The following MDGA1 variants were observed in gnomAD, a reference collection of about 807,000 sequenced individuals.
MDGA1 encodes the protein MAM domain containing glycosylphosphatidylinositol anchor 1.
A neutral mutation model predicts 101.5 loss-of-function variants in MDGA1; 54 were observed. The ratio of observed to expected loss-of-function variants is 0.53; its 90% confidence interval spans 0.43 to 0.67. The LOEUF is 0.67. Among genes scored for constraint, MDGA1 ranks in the 30% least tolerant of loss-of-function variants. The pLI is 0.00. For synonymous variants in MDGA1, 533 were observed against 558.3 expected (o/e 0.95, Z 0.64); for missense variants, 1,083 against 1,323.8 (o/e 0.82, Z 2.82).
Position 37,658,263 on chromosome 6 carries a change from T to C in MDGA1, c.364A>G (p.Ile122Val), listed in dbSNP as rs752089669. 1 of 1,603,976 alleles carries C rather than the reference T, an allele frequency of 6.2e-7. No homozygotes were observed. Among genetic ancestry groups the C allele is most frequent in the Admixed American group, 1.7e-5 (1 of 59,234 alleles). Residue 122 changes from isoleucine (I) to valine (V), a missense_variant, in exon 3 of 17, where the codon ATC (isoleucine) becomes GTC (valine). Transcript: ENST00000434837. ...NGVGVPAIKS[I>V]RVDVQYLDEP... ...AACTCACACTGCACGTCCACGCGGA[T>C]GGACTTGATGGCCGGCACCCCCACG...
rs909016509 is a variant in MDGA1 at position 37,643,889 on chromosome 6, C to T, written c.2456G>A (p.Arg819Lys). The change falls in exon 14 of 17, where the codon AGG becomes AAG. Residue 819 changes from arginine (R) to lysine (K), a missense_variant. Transcript: ENST00000434837. ...SRPRELGDRA[R>K]LVSPLYNASA... is the part of the protein sequence containing the mutation. ...GGCATTGTAGAGGGGACTCACTAACCTTGCACGGTCCCCCAGCTCCCGAGG... is the reference window on the plus strand; with the variant it reads ...GGCATTGTAGAGGGGACTCACTAACTTTGCACGGTCCCCCAGCTCCCGAGG... 2.5e-6 allele frequency: 4 copies of T among 1,613,978 alleles called. No homozygotes were observed. The African/African-American group carries it at 5.3e-5, about 22-fold the overall frequency.
Position 37,638,125 on chromosome 6 carries a change from C to A in MDGA1, c.2776+80G>T. On this transcript the variant is annotated intron_variant, in intron 16 of 16. Transcript: ENST00000434837. This position sits in a 1 kb window ranked among gnomAD's most constrained non-coding sequence, Gnocchi z 4.8. ...CTGAACCCCTATTCAGACCCAAACA[C>A]CCTCCCTCAACAGACAGGAACCCCC... is the stretch of plus-strand genomic sequence containing the variant. The A allele has an allele frequency of 8.5e-7, 1 of 1,174,012 alleles. No homozygotes were observed. Among genetic ancestry groups the A allele is most frequent in the African/African-American group, 1.5e-5 (1 of 66,346 alleles). The allele number at this position is 1,174,012 out of a possible 1,614,324, so 72.7% of individuals were successfully genotyped here.
At chr6:37,681,807 T>A (rs539542605) in intron 1 of MDGA1, among the ~76,000 whole-genome samples, 1 of 152,074 alleles carries the variant, frequency 6.6e-6, no homozygotes, top group Non-Finnish European at 1.5e-5. Flanking sequence ...AATGAGGGCA[T>A]GAAGCCCACC....
At chr6:37,693,687 C>T (rs1762360288) in intron 1 of MDGA1, among the ~76,000 whole-genome samples, 2 of 152,328 alleles carry the variant, frequency 1.3e-5, no homozygotes, top group African/African-American at 4.8e-5. Context: ...ACTGCCTTTG[C>T]CCCAGAACTA....
Position 37,635,230 on chromosome 6 carries a change from C to T in MDGA1, c.*2138G>A. On this transcript the variant is annotated 3_prime_UTR_variant, in exon 17 of 17. Transcript: ENST00000434837. ...GGTGGTTCTATTCTGCAGGCAAGGC[C>T]AGGAACCACTGATTACAGAATCCAT... is the stretch of plus-strand genomic sequence containing the variant. 2.6e-6 allele frequency: 1 copy of T among 385,240 alleles called. No homozygotes were observed. Among genetic ancestry groups the T allele is most frequent in the Non-Finnish European group, 4.6e-6 (1 of 218,020 alleles). 23.9% of individuals were successfully genotyped at this position (385,240 alleles called of 1,614,324 possible). A position where few individuals can be genotyped will look rare whatever the true frequency, so the allele number is the denominator to read the frequency against.
Position 37,696,890 on chromosome 6 carries a change from A to G in MDGA1, c.-79T>C, listed in dbSNP as rs1762433124. The G allele has an allele frequency of 8.5e-7, 1 of 1,179,798 alleles. No homozygotes were observed. The allele number at this position is 1,179,798 out of a possible 1,614,324, so 73.1% of individuals were successfully genotyped here. ...GGGGCGCATTCGCCGGGGCCCCGCG[A>G]CGCCCCTATGTCCCCCCCTTTCCCT... On this transcript the variant is annotated 5_prime_UTR_variant, in exon 1 of 17. Coordinates refer to ENST00000434837, the MANE Select transcript of MDGA1 (RefSeq NM_153487.4). This position sits in a 1 kb window ranked among gnomAD's most constrained non-coding sequence, Gnocchi z 5.6.
At position 37,696,904 on chromosome 6, in the gene MDGA1, C is replaced by T. The variant is rs933226609; in HGVS notation, c.-93G>A. ...GGGGCCCCGCGACGCCCCTATGTCC[C>T]CCCCTTTCCCTGAGAGGTGAGAGAG... On this transcript the variant is annotated 5_prime_UTR_variant, in exon 1 of 17. Transcript: ENST00000434837. The surrounding 1 kb of genome is among the most constrained non-coding windows in gnomAD (Gnocchi z 5.6). 16 of 1,015,710 alleles carry T rather than the reference C, an allele frequency of 1.6e-5. No individual in the cohort carries two copies. Among genetic ancestry groups the T allele is most frequent in the Non-Finnish European group, 2.3e-5 (15 of 662,380 alleles). The allele number at this position is 1,015,710 out of a possible 1,614,324, so 62.9% of individuals were successfully genotyped here.
intron 1 of MDGA1, among the ~76,000 whole-genome samples, chr6:37,690,655 T>C (rs1431698017): frequency 6.6e-6 from 1 of 151,714 alleles, no homozygotes; most frequent in South Asian, 2.1e-4. Context: ...AGTGTGCCTG[T>C]AGTCCTAGTT....
In MDGA1 at chr6:37,638,450, A is replaced by G; in HGVS notation, c.2667+87T>C. On this transcript the variant is annotated intron_variant, in intron 15 of 16. Transcript: ENST00000434837. This position sits in a 1 kb window ranked among gnomAD's most constrained non-coding sequence, Gnocchi z 4.8. ...CTGACTCTTTCCATCCTTAGCCCCC[A>G]GGAAGAAGGACAAGGTTTTCCTAAG... 1 of 1,583,902 alleles carries G rather than the reference A, an allele frequency of 6.3e-7. No homozygotes were observed. The highest frequency in any genetic ancestry group is 8.6e-7 in the Non-Finnish European group (1 of 1,160,188).
chr6:37,655,847 T>C lies in MDGA1; in HGVS notation c.432A>G (p.Arg144=), dbSNP rs1761473885. ...LTVHQTVSDV[R]GNFYQEKTVF... is the part of the protein sequence containing the mutation. ...CCGTCTTCTCCTGGTAGAAGTTGCCTCGCACATCGCTCACCGTCTGGTGCA... is the reference window on the plus strand; with the variant it reads ...CCGTCTTCTCCTGGTAGAAGTTGCCCCGCACATCGCTCACCGTCTGGTGCA... Residue 144 remains arginine, a synonymous_variant, in exon 4 of 17, where the codon CGA becomes CGG. Coordinates refer to ENST00000434837, the MANE Select transcript of MDGA1 (RefSeq NM_153487.4). This position sits in a 1 kb window ranked among gnomAD's most constrained non-coding sequence, Gnocchi z 5.1. 1.2e-6 allele frequency: 2 copies of C among 1,613,542 alleles called. No individual in the cohort carries two copies. Among genetic ancestry groups the C allele is most frequent in the Non-Finnish European group, 1.7e-6 (2 of 1,179,782 alleles).
At chr6:37,647,677 C>A (rs761407508) in intron 9 of MDGA1, among the ~76,000 whole-genome samples, 11 of 150,662 alleles carry the variant, frequency 7.3e-5, no homozygotes, top group Admixed American at 1.3e-4. Context: ...GGGGGAAAGA[C>A]ACAAGAGTCA....
chr6:37,656,894 T>G (rs3846876), intron 3 of MDGA1, among the ~76,000 whole-genome samples: 90,352 of 152,018 alleles, frequency 0.59, 28,199 homozygotes, highest in East Asian at 0.85. Flanking sequence ...TAGTAGTTCT[T>G]GGCCCTGTTT....
chr6:37,647,202 C>G lies in MDGA1; in HGVS notation c.2017G>C (p.Val673Leu), dbSNP rs1271912631. The change falls in exon 10 of 17, where the codon GTG (valine) becomes CTG (leucine). Residue 673 changes from valine to leucine, a missense_variant. Transcript: ENST00000434837. ...CGGATGCTGAGTCTGTAGTTGAGCACAGGGTCGACAGCGTCGGGCTCCCTC... is the reference window on the plus strand; with the variant it reads ...CGGATGCTGAGTCTGTAGTTGAGCAGAGGGTCGACAGCGTCGGGCTCCCTC... ...TQREPDAVDP[V>L]LNYRLSIRQL... The G allele has an allele frequency of 1.3e-6, 2 of 1,598,202 alleles. No individual in the cohort carries two copies.
At position 37,638,577 on chromosome 6, in the gene MDGA1, T is replaced by G; in HGVS notation, c.2627A>C (p.Gln876Pro). 6.2e-7 allele frequency: 1 copy of G among 1,614,006 alleles called. No individual in the cohort carries two copies. Among genetic ancestry groups the G allele is most frequent in the Non-Finnish European group, 8.5e-7 (1 of 1,179,890 alleles). The change falls in exon 15 of 17, where the codon CAG becomes CCG. Residue 876 changes from glutamine (Q) to proline (P), a missense_variant. This residue lies in a region of MDGA1 where 657 missense variants were observed against 771.4 expected (regional missense o/e 0.85). Coordinates refer to ENST00000434837, the MANE Select transcript of MDGA1 (RefSeq NM_153487.4). The surrounding 1 kb of genome is among the most constrained non-coding windows in gnomAD (Gnocchi z 4.8). ...GGGGCTGATGGGCACATGGGCCTGCTGCCACACATTGCCCTTATTGCCACT... is the reference window on the plus strand; with the variant it reads ...GGGGCTGATGGGCACATGGGCCTGCGGCCACACATTGCCCTTATTGCCACT... ...SLSGNKGNVW[Q>P]QAHVPISPSG...
rs1385294430 is a variant in MDGA1 at position 37,632,087 on chromosome 6, C to A, written c.*5281G>T. ...GCTCAGAAGCCTCTCCCAATCCCAA[C>A]AGGCTAACTCCAATCATTCTGTCTC... On this transcript the variant is annotated 3_prime_UTR_variant, in exon 17 of 17. Coordinates refer to ENST00000434837, the MANE Select transcript of MDGA1 (RefSeq NM_153487.4). 2 of 152,244 alleles carry A rather than the reference C, an allele frequency of 1.3e-5. No homozygotes were observed. Among genetic ancestry groups the A allele is most frequent in the African/African-American group, 4.8e-5 (2 of 41,448 alleles). 9.4% of individuals were successfully genotyped at this position (152,244 alleles called of 1,614,324 possible).
chr6:37,649,956 A>G (rs771230176), intron 8 of MDGA1, 153 bp downstream of exon 8: 6 of 854,946 alleles, frequency 7.0e-6, no homozygotes, highest in Non-Finnish European at 9.6e-6. Flanking sequence ...TCCGTGTCCT[A>G]CAGCATGGGG....
At chr6:37,683,480 C>T (rs1364362462) in intron 1 of MDGA1, among the ~76,000 whole-genome samples, 2 of 152,164 alleles carry the variant, frequency 1.3e-5, no homozygotes, top group East Asian at 3.9e-4. Flanking sequence ...CACTTCAGTG[C>T]ACCACCAGCC....
At chr6:37,640,626 T>C (rs1051451229) in intron 14 of MDGA1, among the ~76,000 whole-genome samples, 13 of 152,000 alleles carry the variant, frequency 8.6e-5, no homozygotes, top group African/African-American at 3.1e-4. Flanking sequence ...CAGGCCCTTT[T>C]CAAAAGGAAG....
At position 37,673,445 on chromosome 6, in the gene MDGA1, T is replaced by C. The variant is rs1187133331; in HGVS notation, c.68-9339A>G. Among the ~76,000 whole-genome samples, 3 of 152,262 alleles carry C rather than the reference T, an allele frequency of 2.0e-5. No individual in the cohort carries two copies. The East Asian group carries it at 5.8e-4, about 29-fold the overall frequency. ...AGGCTTTTCTCTTTTAATTAGCTGC[T>C]CAGAGAATGGCGGTCGGGGGCCTGG... On this transcript the variant is annotated intron_variant, in intron 1 of 16. Transcript: ENST00000434837.
Sources: gnomAD v4.1 joint callset for allele counts (sites outside exome capture counted in the v4.1 genomes callset) on GRCh38, gnomAD v4.1.1 for gene constraint, gnomAD v4.1.1 regional missense constraint, Gnocchi (gnomAD v3.1) non-coding constraint, MANE v1.5 for transcripts, NCBI Gene and HGNC (gene_info 2026-07-23, HGNC 2026-07-21) for gene names.